The following GFRA2 variants were observed in gnomAD, a reference collection of about 807,000 sequenced individuals.
GFRA2 encodes GDNF family receptor alpha 2, also known as GDNF family receptor alpha-2.
A neutral mutation model predicts 48.3 loss-of-function variants in GFRA2; 17 were observed. The observed-to-expected ratio is 0.35, with a 90% CI of 0.24 to 0.53. The LOEUF is 0.53. Ranked by LOEUF, GFRA2 falls within the 20% of genes least tolerant of loss-of-function variation. The pLI, the probability that GFRA2 is intolerant of heterozygous loss-of-function variation, is 0.93. For synonymous variants in GFRA2, 305 were observed against 257.2 expected (o/e 1.19, Z -1.78); for missense variants, 660 against 637.3 (o/e 1.04, Z -0.38).
intron 7 of GFRA2, 43 bp downstream of exon 7, chr8:21,702,762 G>C (rs367666172): frequency 1.3e-6 from 2 of 1,519,604 alleles, no homozygotes; most frequent in Non-Finnish European, 1.8e-6. Flanking sequence ...TGCCACTTCC[G>C]GTGCCATGGT....
rs1306209861 is a variant in GFRA2, at chr8:21,750,475, G to C, written c.794+113C>G. ...TTTTACCCTTTTTGACACCCTTTCT[G>C]CTGGACTCAGGGTCATAATTCGATG... On this transcript the variant is annotated intron_variant, in intron 4 of 8. Coordinates refer to ENST00000524240, the MANE Select transcript of GFRA2 (RefSeq NM_001495.5). The surrounding 1 kb of genome is among the most constrained non-coding windows in gnomAD (Gnocchi z 5.7). 1.6e-6 allele frequency: 1 copy of C among 628,016 alleles called. No individual in the cohort carries two copies. Among genetic ancestry groups the C allele is most frequent in the African/African-American group, 1.8e-5 (1 of 54,320 alleles). 38.9% of individuals were successfully genotyped at this position (628,016 alleles called of 1,614,324 possible). A position where few individuals can be genotyped will look rare whatever the true frequency, so the allele number is the denominator to read the frequency against.
At position 21,788,223 on chromosome 8, in the gene GFRA2, C is replaced by T. The variant is rs1480145913; in HGVS notation, c.-64G>A. ...GGGTAAAAAAAAATAATAGTAGTAA[C>T]AACAACAATAATAATAGGCAAGCAG... is the stretch of plus-strand genomic sequence containing the variant. On this transcript the variant is annotated 5_prime_UTR_variant, in exon 1 of 9. Coordinates refer to ENST00000524240, the MANE Select transcript of GFRA2 (RefSeq NM_001495.5). 8 of 1,582,448 alleles carry T rather than the reference C, an allele frequency of 5.1e-6. No homozygotes were observed. The highest frequency in any genetic ancestry group is 6.9e-6 in the Non-Finnish European group (8 of 1,165,422).
rs758726963 is a variant in GFRA2, at chr8:21,694,420, C to T, written c.1272+44G>A. Reference sequence around the variant, plus strand: ...TCGCCGGGGAAATGCCGCCCCCCACCGGCCCAGCCTTCTGCACCCATCCCC... The same window carrying T: ...TCGCCGGGGAAATGCCGCCCCCCACTGGCCCAGCCTTCTGCACCCATCCCC... On this transcript the variant is annotated intron_variant, in intron 8 of 8. Coordinates refer to ENST00000524240, the MANE Select transcript of GFRA2 (RefSeq NM_001495.5). The T allele has an allele frequency of 1.5e-5, 23 of 1,573,452 alleles. No individual in the cohort carries two copies. In the East Asian group the frequency reaches 3.4e-4, roughly 23 times the overall value.
intron 8 of GFRA2, 52 bp downstream of exon 8, chr8:21,694,411 GC>G (rs891709865): frequency 1.7e-5 from 26 of 1,527,332 alleles, no homozygotes; most frequent in South Asian, 3.5e-5. Context: ...GGGAAATGCC[GC>G]CCCCCACCGG....
intron 4 of GFRA2, among the ~76,000 whole-genome samples, chr8:21,714,410 G>A (rs1037653774): frequency 1.3e-5 from 2 of 151,844 alleles, no homozygotes; most frequent in Non-Finnish European, 2.9e-5. Flanking sequence ...CACCATGCCT[G>A]GCTAATTTTT....
intron 2 of GFRA2, among the ~76,000 whole-genome samples, chr8:21,799,221 A>T (rs112643053): frequency 0.025 from 1,762 of 69,296 alleles, 12 homozygotes; most frequent in Middle Eastern, 0.04. Flanking sequence ...TGACCAGAGG[A>T]TTTTTTTTTT....
rs1802677094 is a variant in GFRA2, at chr8:21,705,134, G to A, written c.905-9C>T. On this transcript the variant is annotated splice_polypyrimidine_tract_variant and intron_variant, in intron 5 of 8. Coordinates refer to ENST00000524240, the MANE Select transcript of GFRA2 (RefSeq NM_001495.5). The stretch of plus-strand genomic sequence containing the variant: ...AGGTGTCATGTCAAACCCTGGGCAG[G>A]AAGAAAGGTGGGGGAGAGGAGAGAG... 1.9e-6 allele frequency: 3 copies of A among 1,606,036 alleles called. No homozygotes were observed. The highest frequency in any genetic ancestry group is 2.2e-5 in the South Asian group (2 of 89,570).
At chr8:21,752,812 C>T (rs1805363804) in intron 3 of GFRA2, among the ~76,000 whole-genome samples, 1 of 152,122 alleles carries the variant, frequency 6.6e-6, no homozygotes, top group Admixed American at 6.5e-5. Context: ...TCCAGTAGCC[C>T]ATGCCAAAAC....
chr8:21,787,178 A>G (rs1807314947), intron 1 of GFRA2, among the ~76,000 whole-genome samples: 1 of 144,132 alleles, frequency 6.9e-6, no homozygotes, highest in Non-Finnish European at 1.5e-5. Flanking sequence ...TTAAAGGGAG[A>G]GAGGAGCTGG....
intron 4 of GFRA2, among the ~76,000 whole-genome samples, chr8:21,733,683 G>A (rs1472880311): frequency 2.0e-5 from 3 of 152,144 alleles, no homozygotes; most frequent in Non-Finnish European, 4.4e-5. Context: ...GCTATCTACA[G>A]TATTGTTTTC....
At chr8:21,726,530 A>G (rs1488151284) in intron 4 of GFRA2, among the ~76,000 whole-genome samples, 4 of 152,128 alleles carry the variant, frequency 2.6e-5, no homozygotes, top group African/African-American at 9.7e-5. Context: ...CCTCCTCTGA[A>G]GGCTCCAAGG....
rs572186759 is a variant in GFRA2 at position 21,704,329 on chromosome 8, C to T, written c.1045+656G>A. On this transcript the variant is annotated intron_variant, in intron 6 of 8. Coordinates refer to ENST00000524240, the MANE Select transcript of GFRA2 (RefSeq NM_001495.5). ...CCTCAAGAACCCTGTGCAGACCCCC[C>T]GCCCAGAGCAGCTCACTTGCACTGT... is the stretch of plus-strand genomic sequence containing the variant. 7.1e-4 allele frequency among the ~76,000 whole-genome samples: 108 copies of T among 152,348 alleles called. 1 individual carries two copies. Among genetic ancestry groups the T allele is most frequent in the Middle Eastern group, 3.4e-3 (1 of 294 alleles).
intron 4 of GFRA2, among the ~76,000 whole-genome samples, chr8:21,719,319 C>T (rs946302203): frequency 6.6e-6 from 1 of 152,122 alleles, no homozygotes; most frequent in Non-Finnish European, 1.5e-5. Flanking sequence ...CATCCTTCTC[C>T]TTGAGACCGC....
intron 4 of GFRA2, among the ~76,000 whole-genome samples, chr8:21,746,038 G>A (rs1481217108): frequency 6.6e-6 from 1 of 152,126 alleles, no homozygotes; most frequent in Non-Finnish European, 1.5e-5. Context: ...AAGACCTCGG[G>A]GTCCCTACAG....
At chr8:21,715,441 C>T (rs1199714874) in intron 4 of GFRA2, among the ~76,000 whole-genome samples, 8 of 152,178 alleles carry the variant, frequency 5.3e-5, no homozygotes, top group South Asian at 2.1e-4. Context: ...CCCAAGCAGT[C>T]GGGGCTATAG....
rs61578379 is a variant in GFRA2 at position 21,747,756 on chromosome 8, CCACACACACACACACA to C, written c.794+2816_794+2831del. On this transcript the variant is annotated intron_variant, in intron 4 of 8. Coordinates refer to ENST00000524240, the MANE Select transcript of GFRA2 (RefSeq NM_001495.5). ...CGGGCCCACTGCGGTCCATCTTCCA[CCACACACACACACACA>C]CACACACACACACACACACACACAC... is the stretch of plus-strand genomic sequence containing the variant. Among the ~76,000 whole-genome samples, 708 of 139,150 alleles carry C rather than the reference CCACACACACACACACA, an allele frequency of 5.1e-3. 3 individuals are homozygous for C. The highest frequency in any genetic ancestry group is 0.018 in the African/African-American group (672 of 37,092). The allele number at this position is 139,150 out of a possible 152,430, so 91.3% of individuals were successfully genotyped here. A position where few individuals can be genotyped will look rare whatever the true frequency, so the allele number is the denominator to read the frequency against.
chr8:21,750,088 TACACACAC>T lies in GFRA2; in HGVS notation c.794+492_794+499del, dbSNP rs531507245. 2.8e-4 allele frequency among the ~76,000 whole-genome samples: 42 copies of T among 147,566 alleles called. No homozygotes were observed. Among genetic ancestry groups the T allele is most frequent in the African/African-American group, 9.2e-4 (37 of 40,272 alleles). On this transcript the variant is annotated intron_variant, in intron 4 of 8. Coordinates refer to ENST00000524240, the MANE Select transcript of GFRA2 (RefSeq NM_001495.5). This position sits in a 1 kb window ranked among gnomAD's most constrained non-coding sequence, Gnocchi z 5.7. The stretch of plus-strand genomic sequence containing the variant: ...GTGTATATATGTGTGTGTGTGTGTA[TACACACAC>T]ACACACACACACACGCACATATATA...
intron 7 of GFRA2, among the ~76,000 whole-genome samples, chr8:21,701,709 C>T (rs377740773): frequency 6.6e-6 from 1 of 152,220 alleles, no homozygotes; most frequent in Non-Finnish European, 1.5e-5. Flanking sequence ...CATATCTCCA[C>T]TGAGATCAAA....
chr8:21,773,997 C>A (rs954579981), intron 3 of GFRA2, among the ~76,000 whole-genome samples: 2 of 152,144 alleles, frequency 1.3e-5, no homozygotes, highest in African/African-American at 4.8e-5. Flanking sequence ...TGTTGAAAAC[C>A]CCGCTTTAGA....
Sources: allele counts gnomAD v4.1 joint callset (sites outside exome capture counted in the v4.1 genomes callset), GRCh38; gene constraint gnomAD v4.1.1; non-coding constraint Gnocchi (gnomAD v3.1); transcripts MANE v1.5; gene names NCBI Gene and HGNC (gene_info 2026-07-23, HGNC 2026-07-21).